Variants in NRDE2 observed in about 807,000 individuals in gnomAD.
NRDE2 encodes the protein nuclear exosome regulator NRDE2.
A neutral mutation model predicts 124.2 loss-of-function variants in NRDE2; 76 were observed. That is an observed-to-expected ratio of 0.61 (90% CI 0.51 to 0.74). The LOEUF is 0.74. Among genes scored for constraint, NRDE2 ranks in the 30% least tolerant of loss-of-function variants. The pLI, the probability that NRDE2 is intolerant of heterozygous loss-of-function variation, is 0.00. For missense variants in NRDE2, 1,314 were observed against 1,417.3 expected, an observed-to-expected ratio of 0.93 and a Z score of 1.17; for synonymous variants, 489 against 528.1, an observed-to-expected ratio of 0.93 and a Z score of 1.01.
chr14:90,297,940 C>A (rs1226899559), intron 8 of NRDE2, among the ~76,000 whole-genome samples: 63 of 96,474 alleles, frequency 6.5e-4, no homozygotes, highest in African/African-American at 2.0e-3. Flanking sequence ...GATTCTGTCT[C>A]AAAAAAAAAA....
At chr14:90,310,406 T>C (rs1884784009) in intron 4 of NRDE2, among the ~76,000 whole-genome samples, 1 of 152,126 alleles carries the variant, frequency 6.6e-6, no homozygotes, top group African/African-American at 2.4e-5. Flanking sequence ...TGAAGAGGGT[T>C]CTCCTCGTCC....
rs556702903 is a variant in NRDE2 at position 90,274,717 on chromosome 14, G to A, written c.*3619C>T. On this transcript the variant is annotated 3_prime_UTR_variant, in exon 14 of 14. Transcript: ENST00000354366. ...GAAGGGGCTTCCACTGGCCAAACTC[G>A]GGACAATCTGAGCATCCTAACAAAC... The A allele has an allele frequency of 1.9e-4, 28 of 150,852 alleles. No homozygotes were observed. Among genetic ancestry groups the A allele is most frequent in the Non-Finnish European group, 3.1e-4 (21 of 67,936 alleles). The allele number at this position is 150,852 out of a possible 1,614,324, so 9.3% of individuals were successfully genotyped here.
intron 4 of NRDE2, among the ~76,000 whole-genome samples, chr14:90,309,857 A>G (rs571737918): frequency 6.6e-6 from 1 of 152,338 alleles, no homozygotes; most frequent in African/African-American, 2.4e-5. Context: ...CCAAATGGCT[A>G]GGAAATAACA....
chr14:90,269,286 G>A lies in NRDE2; in HGVS notation c.*9050C>T. ...TAATTGAGGGAGTGCCATGTGAGTT[G>A]AAACAGGAATGTTTGTTAAGGTGTT... On this transcript the variant is annotated 3_prime_UTR_variant, in exon 14 of 14. Transcript: ENST00000354366. 1.1e-6 allele frequency: 1 copy of A among 951,856 alleles called. No homozygotes were observed. The highest frequency in any genetic ancestry group is 2.6e-5 in the Admixed American group (1 of 38,978). The allele number at this position is 951,856 out of a possible 1,614,324, so 59.0% of individuals were successfully genotyped here. A position where few individuals can be genotyped will look rare whatever the true frequency, so the allele number is the denominator to read the frequency against.
At chr14:90,318,467 T>C (rs1363677012) in intron 1 of NRDE2, among the ~76,000 whole-genome samples, 1 of 152,216 alleles carries the variant, frequency 6.6e-6, no homozygotes, top group African/African-American at 2.4e-5. Context: ...ATTAGGTTTT[T>C]ATGACCTCAA....
At chr14:90,308,335 T>C (rs1386879354) in intron 4 of NRDE2, among the ~76,000 whole-genome samples, 1 of 152,128 alleles carries the variant, frequency 6.6e-6, no homozygotes, top group Non-Finnish European at 1.5e-5. Flanking sequence ...ACCACAATAC[T>C]CCCATACACA....
chr14:90,322,396 C>T (rs983136375), intron 1 of NRDE2, among the ~76,000 whole-genome samples: 3 of 152,218 alleles, frequency 2.0e-5, no homozygotes, highest in African/African-American at 7.2e-5. Flanking sequence ...GTATTCCCAA[C>T]TCCTAGCACA....
At chr14:90,329,120 G>C (rs1885567666) in intron 1 of NRDE2, among the ~76,000 whole-genome samples, 1 of 152,156 alleles carries the variant, frequency 6.6e-6, no homozygotes, top group South Asian at 2.1e-4. Context: ...TAGATATCCA[G>C]AGGATGTCAA....
rs776487779 is a variant in NRDE2, at chr14:90,275,794, C to T, written c.*2542G>A. 1 of 152,348 alleles carries T rather than the reference C, an allele frequency of 6.6e-6. No individual in the cohort carries two copies. Among genetic ancestry groups the T allele is most frequent in the South Asian group, 2.1e-4 (1 of 4,828 alleles). The allele number at this position is 152,348 out of a possible 1,614,324, so 9.4% of individuals were successfully genotyped here. On this transcript the variant is annotated 3_prime_UTR_variant, in exon 14 of 14. Coordinates refer to ENST00000354366, the MANE Select transcript of NRDE2 (RefSeq NM_017970.4). Reference sequence around the variant, plus strand: ...CGGAAAACCCACTGGCTCTTTGGAGCCCTTCCTCAGTAGAACAATTTAAGG... The same window carrying T: ...CGGAAAACCCACTGGCTCTTTGGAGTCCTTCCTCAGTAGAACAATTTAAGG...
Position 90,269,087 on chromosome 14 carries a change from C to T in NRDE2, c.*9249G>A, listed in dbSNP as rs1328502559. 8.3e-6 allele frequency: 2 copies of T among 242,038 alleles called. No homozygotes were observed. Among genetic ancestry groups the T allele is most frequent in the African/African-American group, 4.5e-5 (2 of 44,244 alleles). 15.0% of individuals were successfully genotyped at this position (242,038 alleles called of 1,614,324 possible). A position where few individuals can be genotyped will look rare whatever the true frequency, so the allele number is the denominator to read the frequency against. On this transcript the variant is annotated 3_prime_UTR_variant, in exon 14 of 14. Transcript: ENST00000354366. ...ATAAGGAATACATGCTGTATAAGGC[C>T]TTTTTCTCTTTTTAGAAGGAACTCA... is the stretch of plus-strand genomic sequence containing the variant.
chr14:90,331,835 G>C lies in NRDE2; in HGVS notation c.64+6C>G. On this transcript the variant is annotated splice_donor_region_variant and intron_variant, in intron 1 of 13. Transcript: ENST00000354366. ...GGTGCCTTCTTCGGCTCGTTTGTGTGCTTACCTTTCCTGGAGCTCCCGCCA... is the reference window on the plus strand; with the variant it reads ...GGTGCCTTCTTCGGCTCGTTTGTGTCCTTACCTTTCCTGGAGCTCCCGCCA... 1.2e-6 allele frequency: 2 copies of C among 1,614,056 alleles called. No individual in the cohort carries two copies. Among genetic ancestry groups the C allele is most frequent in the Non-Finnish European group, 1.7e-6 (2 of 1,180,008 alleles).
At chr14:90,281,736 G>A (rs1394828095) in intron 12 of NRDE2, 1 of 152,190 alleles carries the variant, frequency 6.6e-6, no homozygotes, top group East Asian at 1.9e-4. Context: ...ACAAATGTGA[G>A]CAACTGTTAG....
At chr14:90,301,407 T>G in intron 6 of NRDE2, 35 bp from the exon 7 acceptor site, 9 of 1,608,466 alleles carry the variant, frequency 5.6e-6, no homozygotes, top group Non-Finnish European at 7.7e-6. Flanking sequence ...AGAAGCCTGG[T>G]TGATACCGTT....
Position 90,329,835 on chromosome 14 carries a change from C to CAA in NRDE2, c.64+2004_64+2005dup, listed in dbSNP as rs1173430522. ...CCTGGGTGACAGAGTGAGACTGCCT[C>CAA]AAAAAAAAAAAAAAAAAAAGTAAAA... On this transcript the variant is annotated intron_variant, in intron 1 of 13. Transcript: ENST00000354366. 2.0e-4 allele frequency among the ~76,000 whole-genome samples: 11 copies of CAA among 56,124 alleles called. No homozygotes were observed. In the South Asian group the frequency reaches 3.6e-3, roughly 18 times the overall value. The allele number at this position is 56,124 out of a possible 152,430, so 36.8% of individuals were successfully genotyped here. A position where few individuals can be genotyped will look rare whatever the true frequency, so the allele number is the denominator to read the frequency against.
In NRDE2 at chr14:90,318,006, T is replaced by C. The variant is rs1295172859; in HGVS notation, c.172A>G (p.Arg58Gly). 4 of 1,612,392 alleles carry C rather than the reference T, an allele frequency of 2.5e-6. No homozygotes were observed. The highest frequency in any genetic ancestry group is 1.7e-5 in the Admixed American group (1 of 59,536). ...AHVSEGLPLT[R>G]SHLKSESSDE... ...ACACATCTGTCAAACAAAAACTACC[T>C]TGTCAGCGGTAACCCTTCAGAAACA... is the stretch of plus-strand genomic sequence containing the variant. The change falls in exon 2 of 14, where the codon AGG (arginine) becomes GGG (glycine). Residue 58 changes from arginine (R) to glycine (G), a missense_variant and splice_region_variant. Physicochemically the swap from Arg to Gly is moderately radical, Grantham distance 125. Transcript: ENST00000354366.
intron 4 of NRDE2, among the ~76,000 whole-genome samples, chr14:90,307,486 G>A (rs1024187939): frequency 6.6e-6 from 1 of 152,198 alleles, no homozygotes; most frequent in Non-Finnish European, 1.5e-5. Flanking sequence ...AGCACTTTGA[G>A]AGGCCGAGGT....
chr14:90,268,111 C>A lies in NRDE2; in HGVS notation c.*10225G>T. Reference sequence around the variant, plus strand: ...CACTTGAATTGGTGCCATGCCTTAGCATGAGGGCCCGCCTGTTTTTGGTGT... The same window carrying A: ...CACTTGAATTGGTGCCATGCCTTAGAATGAGGGCCCGCCTGTTTTTGGTGT... On this transcript the variant is annotated 3_prime_UTR_variant, in exon 14 of 14. Transcript: ENST00000354366. 1 of 803,188 alleles carries A rather than the reference C, an allele frequency of 1.2e-6. No homozygotes were observed. Among genetic ancestry groups the A allele is most frequent in the Non-Finnish European group, 1.9e-6 (1 of 526,070 alleles). 49.8% of individuals were successfully genotyped at this position (803,188 alleles called of 1,614,324 possible).
rs1206804886 is a variant in NRDE2, at chr14:90,274,695, G to A, written c.*3641C>T. 6.6e-6 allele frequency: 1 copy of A among 152,008 alleles called. No homozygotes were observed. Among genetic ancestry groups the A allele is most frequent in the Non-Finnish European group, 1.5e-5 (1 of 68,086 alleles). The allele number at this position is 152,008 out of a possible 1,614,324, so 9.4% of individuals were successfully genotyped here. A position where few individuals can be genotyped will look rare whatever the true frequency, so the allele number is the denominator to read the frequency against. On this transcript the variant is annotated 3_prime_UTR_variant, in exon 14 of 14. Transcript: ENST00000354366. ...CTAAGGACACCGAAGCCTATGTGAAGGGGCTTCCACTGGCCAAACTCGGGA... is the reference window on the plus strand; with the variant it reads ...CTAAGGACACCGAAGCCTATGTGAAAGGGCTTCCACTGGCCAAACTCGGGA...
chr14:90,281,390 C>A (rs1891948300), intron 12 of NRDE2: 1 of 152,364 alleles, frequency 6.6e-6, no homozygotes, highest in African/African-American at 2.4e-5. Context: ...TTCCAGCCTG[C>A]ATGACAGAGC....
Sources: allele counts gnomAD v4.1 joint callset (sites outside exome capture counted in the v4.1 genomes callset), GRCh38; gene constraint gnomAD v4.1.1; transcripts MANE v1.5; gene names NCBI Gene and HGNC (gene_info 2026-07-23, HGNC 2026-07-21).